C6: variants seen among roughly 807,000 people sequenced by gnomAD.
The protein encoded by C6 is complement component C6.
Under a neutral mutation model 112.9 loss-of-function variants are expected in C6, and 101 were observed. That is an observed-to-expected ratio of 0.89 (90% confidence interval 0.76 to 1.06). The LOEUF (loss-of-function observed/expected upper bound fraction) is 1.06. Among genes scored for constraint, C6 ranks in the 50% least tolerant of loss-of-function variants. C6 has a pLI of 0.00. For synonymous variants in C6, 431 were observed against 384.1 expected (o/e 1.12, Z -1.43); for missense variants, 1,202 against 1,104.6 (o/e 1.09, Z -1.25).
chr5:41,143,615 A>G (rs1745550453), intron 17 of C6, among the ~76,000 whole-genome samples: 2 of 152,220 alleles, frequency 1.3e-5, no homozygotes, highest in South Asian at 4.1e-4. Context: ...CTAATTCTAC[A>G]GAAGAGGAAA....
chr5:41,217,765 A>G (rs1752244432), upstream of C6, among the ~76,000 whole-genome samples: 1 of 152,036 alleles, frequency 6.6e-6, no homozygotes, highest in Admixed American at 6.6e-5. Context: ...CCCTTCTAGG[A>G]TTATACAGAA....
At chr5:41,196,872 C>T (rs760041583) in intron 4 of C6, among the ~76,000 whole-genome samples, 11 of 151,896 alleles carry the variant, frequency 7.2e-5, no homozygotes, top group Non-Finnish European at 1.6e-4. Context: ...CAGTATATAA[C>T]TATATATTAT....
At chr5:41,255,494 A>G (rs888086584) in intron 1 of C6, among the ~76,000 whole-genome samples, 1 of 151,986 alleles carries the variant, frequency 6.6e-6, no homozygotes, top group East Asian at 1.9e-4. Flanking sequence ...TAGGAAATAT[A>G]TATAGTAGTA....
chr5:41,247,683 A>G (rs62361640), intron 1 of C6, among the ~76,000 whole-genome samples: 53,396 of 149,046 alleles, frequency 0.36, 11,033 homozygotes, highest in Non-Finnish European at 0.47. Context: ...GCGCCACTGC[A>G]CTCCAGCCTG....
chr5:41,257,926 T>C (rs758436012), intron 1 of C6, among the ~76,000 whole-genome samples: 3 of 152,160 alleles, frequency 2.0e-5, no homozygotes, highest in Non-Finnish European at 2.9e-5. Context: ...GAAATAAGCT[T>C]AACAACCATC....
intron 8 of C6, 44 bp from the exon 9 acceptor site, chr5:41,172,391 T>C (rs764465400): frequency 1.2e-6 from 2 of 1,604,898 alleles, no homozygotes; most frequent in Non-Finnish European, 1.7e-6. Flanking sequence ...AATGCACCAT[T>C]GACAATTCAA....
intron 5 of C6, 83 bp downstream of exon 5, chr5:41,195,709 G>T: frequency 7.2e-7 from 1 of 1,379,440 alleles, no homozygotes; most frequent in Non-Finnish European, 1.0e-6. Flanking sequence ...GAGGAAGATG[G>T]ACAATGATGT....
At chr5:41,259,768 AT>A (rs1741929958) in intron 1 of C6, among the ~76,000 whole-genome samples, 1 of 152,150 alleles carries the variant, frequency 6.6e-6, no homozygotes, top group Admixed American at 6.5e-5. Context: ...ATTATCCATT[AT>A]TTTTTCCTAA....
intron 9 of C6, among the ~76,000 whole-genome samples, chr5:41,168,232 AATGG>A (rs1315665399): frequency 1.3e-5 from 2 of 152,144 alleles, no homozygotes; most frequent in African/African-American, 4.8e-5. Context: ...GGAGATGAAA[AATGG>A]ATTTACTAGT....
chr5:41,150,601 G>A (rs1746293158), intron 15 of C6, among the ~76,000 whole-genome samples: 1 of 152,106 alleles, frequency 6.6e-6, no homozygotes. Context: ...TCAAATGGGA[G>A]GCAGTGGTCG....
chr5:41,150,077 G>A (rs750944312), intron 15 of C6, 52 bp from the exon 16 acceptor site: 2 of 1,136,610 alleles, frequency 1.8e-6, no homozygotes. Flanking sequence ...TGGATTCTAA[G>A]TGATAAGCTT....
Position 41,254,885 on chromosome 5 carries a change from C to T in C6, c.-21+6309G>A, listed in dbSNP as rs1031158246. ...ATCTCAGTGAAAGCGTTTTAGTCTC[C>T]TAGATAATTTTGCAAATGAGTAGAC... On this transcript the variant is annotated intron_variant, in intron 1 of 17. Transcript: ENST00000263413. Among the ~76,000 whole-genome samples, 3 of 152,108 alleles carry T rather than the reference C, an allele frequency of 2.0e-5. No individual in the cohort carries two copies. The South Asian group carries it at 6.2e-4, about 31-fold the overall frequency.
chr5:41,154,826 A>G, intron 14 of C6, 146 bp downstream of exon 14: 1 of 814,402 alleles, frequency 1.2e-6, no homozygotes, highest in Non-Finnish European at 2.1e-6. Context: ...GAGCCCTTCT[A>G]TTTATTTTCT....
intron 8 of C6, 76 bp from the exon 9 acceptor site, chr5:41,172,423 C>A: frequency 7.2e-7 from 1 of 1,390,152 alleles, no homozygotes; most frequent in South Asian, 1.2e-5. Flanking sequence ...GTGCTCTGGT[C>A]ACTTCGGATC....
At chr5:41,154,921 G>A (rs749296236) in intron 14 of C6, 51 bp downstream of exon 14, 8 of 1,575,888 alleles carry the variant, frequency 5.1e-6, no homozygotes, top group African/African-American at 2.7e-5. Context: ...TTTATATTGG[G>A]CACATTCATT....
intron 1 of C6, among the ~76,000 whole-genome samples, chr5:41,229,913 G>A (rs774434027): frequency 6.6e-6 from 1 of 152,108 alleles, no homozygotes; most frequent in Non-Finnish European, 1.5e-5. Context: ...TGGAGCCGAG[G>A]CAGAAGAATA....
At chr5:41,208,915 C>CA (rs1751664668) in intron 1 of C6, among the ~76,000 whole-genome samples, 4 of 151,696 alleles carry the variant, frequency 2.6e-5, no homozygotes, top group Admixed American at 2.0e-4. Flanking sequence ...AGAGACACAA[C>CA]GAAAAAAGAG....
intron 11 of C6, among the ~76,000 whole-genome samples, chr5:41,159,852 T>G (rs1279723931): frequency 6.6e-6 from 1 of 152,182 alleles, no homozygotes; most frequent in Non-Finnish European, 1.5e-5. Flanking sequence ...TATGTATTCT[T>G]GATATATAAA....
chr5:41,163,388 C>T (rs1747708272), intron 9 of C6, among the ~76,000 whole-genome samples: 5 of 151,244 alleles, frequency 3.3e-5, no homozygotes, highest in Middle Eastern at 3.2e-3. Flanking sequence ...TCTTAGCTCA[C>T]TGCAGCCTCT....
Sources: allele counts gnomAD v4.1 joint callset (sites outside exome capture counted in the v4.1 genomes callset), GRCh38; gene constraint gnomAD v4.1.1; transcripts MANE v1.5; gene names NCBI Gene and HGNC (gene_info 2026-07-23, HGNC 2026-07-21).